The following FKBP6 variants were observed in gnomAD, a reference collection of about 807,000 sequenced individuals.
FKBP6 encodes the protein FKBP prolyl isomerase family member 6 (inactive).
Under a neutral mutation model 41.7 loss-of-function variants are expected in FKBP6, and 29 were observed. The ratio of observed to expected loss-of-function variants is 0.70; its 90% CI spans 0.52 to 0.95. FKBP6 has a LOEUF of 0.95. Ranked by LOEUF, FKBP6 falls within the 40% of genes least tolerant of loss-of-function variation. The pLI is 0.00. For missense variants in FKBP6, 338 were observed against 408.7 expected, an observed-to-expected ratio of 0.83 and a Z score of 1.49; for synonymous variants, 130 against 165.1, an observed-to-expected ratio of 0.79 and a Z score of 1.63.
At chr7:73,346,911 A>G (rs868954593) in intron 8 of FKBP6, among the ~76,000 whole-genome samples, 2 of 152,200 alleles carry the variant, frequency 1.3e-5, no homozygotes, top group Admixed American at 6.5e-5. Context: ...GTGACATGTC[A>G]GCCATCTGCT....
intron 8 of FKBP6, among the ~76,000 whole-genome samples, 157 bp downstream of exon 8, chr7:73,343,056 C>T (rs1805238505): frequency 6.6e-6 from 1 of 152,234 alleles, no homozygotes; most frequent in Admixed American, 6.5e-5. Flanking sequence ...GTGCAGGATG[C>T]ACGTGCTGCA....
rs782163273 is a variant in FKBP6, at chr7:73,328,506, G to C, written c.57+21G>C. On this transcript the variant is annotated intron_variant, in intron 1 of 8. Coordinates refer to ENST00000252037, the MANE Select transcript of FKBP6 (RefSeq NM_003602.5). The stretch of plus-strand genomic sequence containing the variant: ...GCCAGGTGAGGGCCCAGACGTTTCG[G>C]GGGCGTAGACGCTGAGGGGTGGCCG... 3.2e-6 allele frequency: 5 copies of C among 1,559,214 alleles called. No individual in the cohort carries two copies. The South Asian group carries it at 5.8e-5, about 18-fold the overall frequency.
chr7:73,329,908 G>A, intron 3 of FKBP6: 1 of 590,386 alleles, frequency 1.7e-6, no homozygotes, highest in Non-Finnish European at 3.0e-6. Flanking sequence ...ATTAATTCTA[G>A]CTGGGAGGTT....
rs1804756511 is a variant in FKBP6, at chr7:73,329,377, C to T, written c.193C>T (p.Leu65=). ...TATCCTAGTGAAATACTCGGGATAC[C>T]TGGAACACATGGACAGACCCTTCGA... ...ASVLVKYSGY[L]EHMDRPFDSN... is the part of the protein sequence containing the mutation. The change falls in exon 3 of 9, where the codon CTG becomes TTG. Residue 65 remains leucine (L), a synonymous_variant. Transcript: ENST00000252037. 1.2e-6 allele frequency: 2 copies of T among 1,606,242 alleles called. No individual in the cohort carries two copies. Among genetic ancestry groups the T allele is most frequent in the African/African-American group, 1.3e-5 (1 of 74,838 alleles).
chr7:73,338,415 C>G (rs903090424), intron 5 of FKBP6, among the ~76,000 whole-genome samples: 1 of 152,174 alleles, frequency 6.6e-6, no homozygotes, highest in Non-Finnish European at 1.5e-5. Context: ...GTTTCCACTT[C>G]GTGATTATTA....
Position 73,328,582 on chromosome 7 carries a change from A to G in FKBP6, c.65A>G (p.Tyr22Cys), listed in dbSNP as rs1554546795. The change falls in exon 2 of 9, where the codon TAC becomes TGC. Residue 22 changes from tyrosine to cysteine, a missense_variant. Tyr to Cys is a radical substitution (Grantham distance 194). This residue lies in a region of FKBP6 where 99 missense variants were observed against 158.6 expected (regional missense o/e 0.62). Transcript: ENST00000252037. ...EGDDAPGQSLYERLSQRMLDI... is the reference protein window; with the variant it reads ...EGDDAPGQSLCERLSQRMLDI... ...GCTTTCATTCTCCATCAGTCCCTGT[A>G]CGAGCGGTTAAGTCAGAGGATGCTG... is the stretch of plus-strand genomic sequence containing the variant. 1.9e-6 allele frequency: 3 copies of G among 1,598,292 alleles called. No individual in the cohort carries two copies. Among genetic ancestry groups the G allele is most frequent in the African/African-American group, 1.3e-5 (1 of 74,342 alleles).
intron 8 of FKBP6, among the ~76,000 whole-genome samples, chr7:73,355,394 G>A (rs1421911781): frequency 2.0e-5 from 3 of 152,140 alleles, no homozygotes; most frequent in East Asian, 1.9e-4. Flanking sequence ...GCGCATTCTC[G>A]TTTATGCTAA....
intron 8 of FKBP6, among the ~76,000 whole-genome samples, chr7:73,357,952 C>T (rs1805680792): frequency 6.7e-6 from 1 of 149,988 alleles, no homozygotes; most frequent in South Asian, 2.1e-4. Flanking sequence ...TGTGCTACTG[C>T]ACTCCAGCTG....
intron 5 of FKBP6, among the ~76,000 whole-genome samples, chr7:73,337,207 G>A (rs1366113831): frequency 6.6e-6 from 1 of 151,926 alleles, no homozygotes; most frequent in Non-Finnish European, 1.5e-5. Flanking sequence ...CTTGCCTGGT[G>A]AATGCCCAGA....
intron 8 of FKBP6, among the ~76,000 whole-genome samples, chr7:73,354,164 C>T (rs1044494716): frequency 1.3e-5 from 2 of 152,186 alleles, no homozygotes; most frequent in Non-Finnish European, 2.9e-5. Flanking sequence ...GAGGTACCTG[C>T]AGGCGCTCTC....
intron 8 of FKBP6, among the ~76,000 whole-genome samples, chr7:73,349,151 T>G (rs1299927500): frequency 1.3e-5 from 2 of 152,082 alleles, no homozygotes; most frequent in African/African-American, 4.8e-5. Context: ...GGCTCACGCC[T>G]GTAATCCCAG....
intron 8 of FKBP6, among the ~76,000 whole-genome samples, chr7:73,349,317 G>A (rs1487246362): frequency 6.6e-6 from 1 of 151,772 alleles, no homozygotes; most frequent in African/African-American, 2.4e-5. Context: ...GCTGAGGTAG[G>A]AGAATCGCTT....
At position 73,347,830 on chromosome 7, in the gene FKBP6, C is replaced by T. The variant is rs117615159; in HGVS notation, c.*2+4931C>T. On this transcript the variant is annotated intron_variant, in intron 8 of 8. Coordinates refer to ENST00000252037, the MANE Select transcript of FKBP6 (RefSeq NM_003602.5). The stretch of plus-strand genomic sequence containing the variant: ...CAGCTAATTTTTTTATTTTTTGTTG[C>T]GACAGGGTCTCACCATGTTGCCCAG... Among the ~76,000 whole-genome samples, 1,257 of 152,136 alleles carry T rather than the reference C, an allele frequency of 8.3e-3. 49 individuals are homozygous for T. Among genetic ancestry groups the T allele is most frequent in the Admixed American group, 0.064 (981 of 15,268 alleles).
chr7:73,332,568 G>A (rs1470827675), intron 5 of FKBP6, among the ~76,000 whole-genome samples: 1 of 151,964 alleles, frequency 6.6e-6, no homozygotes, highest in Non-Finnish European at 1.5e-5. Context: ...GGGCTGAAGA[G>A]GGGACTCTCG....
chr7:73,355,023 CCT>C (rs1452206178), intron 8 of FKBP6, among the ~76,000 whole-genome samples: 2 of 152,238 alleles, frequency 1.3e-5, no homozygotes, highest in African/African-American at 4.8e-5. Context: ...TTACATCACT[CCT>C]CTGTCTTCTC....
rs1245421622 is a variant in FKBP6 at position 73,342,747 on chromosome 7, C to A, written c.894-60C>A. On this transcript the variant is annotated intron_variant, in intron 7 of 8. Coordinates refer to ENST00000252037, the MANE Select transcript of FKBP6 (RefSeq NM_003602.5). ...GGATGTGAGTGGAGAATTCCAGCCACCAGATGTCACCTCCTCCAAACACAG... is the reference window on the plus strand; with the variant it reads ...GGATGTGAGTGGAGAATTCCAGCCAACAGATGTCACCTCCTCCAAACACAG... 2.6e-6 allele frequency: 3 copies of A among 1,156,100 alleles called. No individual in the cohort carries two copies. In the East Asian group the frequency reaches 7.0e-5, roughly 27 times the overall value. 71.6% of individuals were successfully genotyped at this position (1,156,100 alleles called of 1,614,324 possible).
At chr7:73,352,219 C>T (rs782452306) in intron 8 of FKBP6, among the ~76,000 whole-genome samples, 1 of 152,216 alleles carries the variant, frequency 6.6e-6, no homozygotes, top group Non-Finnish European at 1.5e-5. Context: ...CTGCCTCGGC[C>T]TCCCAGAGTG....
At chr7:73,357,259 G>C (rs1485917552) in intron 8 of FKBP6, among the ~76,000 whole-genome samples, 1 of 130,812 alleles carries the variant, frequency 7.6e-6, no homozygotes. Flanking sequence ...GTTTGTTTTT[G>C]TTTGGTTTGG....
At chr7:73,340,888 G>C in intron 6 of FKBP6, 56 bp downstream of exon 6, 1 of 1,106,040 alleles carries the variant, frequency 9.0e-7, no homozygotes, top group South Asian at 1.3e-5. Flanking sequence ...TAGTAGCAGT[G>C]CTCAACTCAG....
Sources: gnomAD v4.1 joint callset for allele counts (sites outside exome capture counted in the v4.1 genomes callset) on GRCh38, gnomAD v4.1.1 for gene constraint, gnomAD v4.1.1 regional missense constraint, MANE v1.5 for transcripts, NCBI Gene and HGNC (gene_info 2026-07-23, HGNC 2026-07-21) for gene names.